The following MAF variants were observed in gnomAD, a reference collection of about 807,000 sequenced individuals.
MAF encodes MAF bZIP transcription factor.
In MAF, 10 loss-of-function variants were observed where a neutral mutation model predicts 22.0. That is an observed-to-expected ratio of 0.45 (90% CI 0.28 to 0.77). The LOEUF (loss-of-function observed/expected upper bound fraction) is 0.77, where lower values mean the gene tolerates loss of function less well. Ranked by LOEUF, MAF falls within the 30% of genes least tolerant of loss-of-function variation. MAF has a pLI of 0.12. For synonymous variants in MAF, 337 were observed against 255.8 expected (o/e 1.32, Z -3.03); for missense variants, 544 against 548.4 (o/e 0.99, Z 0.08).
the MAF span, among the ~76,000 whole-genome samples, chr16:79,239,176 G>C: frequency 6.6e-6 from 1 of 152,040 alleles, no homozygotes; most frequent in Non-Finnish European, 1.5e-5. Context: ...GTAACTCTCG[G>C]TTTTGTCAAA....
At chr16:79,525,211 T>G in the MAF span, among the ~76,000 whole-genome samples, 6 of 152,182 alleles carry the variant, frequency 3.9e-5, no homozygotes. Flanking sequence ...TTTCATGAAA[T>G]TTTAATCAGG....
the MAF span, among the ~76,000 whole-genome samples, chr16:79,278,824 C>T: frequency 1.9e-3 from 292 of 152,164 alleles, 1 homozygote; most frequent in African/African-American, 6.3e-3. Context: ...CAAGTGTCTG[C>T]CCCTTCTGCT....
chr16:79,507,380 T>A, the MAF span, among the ~76,000 whole-genome samples: 1 of 152,046 alleles, frequency 6.6e-6, no homozygotes, highest in Non-Finnish European at 1.5e-5. Context: ...CCTCCCAAAG[T>A]GCTGGGATTA....
chr16:79,289,051 A>G, the MAF span, among the ~76,000 whole-genome samples: 1 of 152,242 alleles, frequency 6.6e-6, no homozygotes, highest in East Asian at 1.9e-4. Flanking sequence ...TAAAGGAGAC[A>G]GAGAAGCAAA....
At chr16:79,346,145 A>G in the MAF span, among the ~76,000 whole-genome samples, 1 of 151,802 alleles carries the variant, frequency 6.6e-6, no homozygotes, top group Non-Finnish European at 1.5e-5. Context: ...ATCATTTAGC[A>G]TTAGGTGTAT....
the MAF span, among the ~76,000 whole-genome samples, chr16:79,359,204 G>C: frequency 6.6e-6 from 1 of 152,138 alleles, no homozygotes; most frequent in African/African-American, 2.4e-5. Flanking sequence ...TCAGAAGGCT[G>C]TTTTACGCCA....
chr16:79,405,551 G>A, the MAF span, among the ~76,000 whole-genome samples: 1 of 152,208 alleles, frequency 6.6e-6, no homozygotes, highest in Non-Finnish European at 1.5e-5. Context: ...AGGGAGGAAA[G>A]CATGGTTTTG....
the MAF span, among the ~76,000 whole-genome samples, chr16:79,448,350 T>G: frequency 6.6e-6 from 1 of 152,018 alleles, no homozygotes; most frequent in African/African-American, 2.4e-5. Context: ...AGATTGTGAC[T>G]TTCTGAAGGC....
At chr16:79,262,844 C>T in the MAF span, among the ~76,000 whole-genome samples, 23 of 152,122 alleles carry the variant, frequency 1.5e-4, no homozygotes, top group South Asian at 1.9e-3. Flanking sequence ...GGTGGGTGAA[C>T]GGTATTGAAG....
the MAF span, among the ~76,000 whole-genome samples, chr16:79,251,465 G>A: frequency 9.4e-3 from 1,424 of 152,026 alleles, 28 homozygotes; most frequent in African/African-American, 0.032. Context: ...ACAGGCACCT[G>A]CCACCACATC....
chr16:79,443,430 G>C, the MAF span, among the ~76,000 whole-genome samples: 1 of 152,194 alleles, frequency 6.6e-6, no homozygotes, highest in African/African-American at 2.4e-5. Context: ...TCTGGTTCTG[G>C]GGACAGTCTG....
At chr16:79,502,113 C>G in the MAF span, among the ~76,000 whole-genome samples, 2 of 152,138 alleles carry the variant, frequency 1.3e-5, no homozygotes, top group Non-Finnish European at 2.9e-5. Flanking sequence ...ATCTATTTCT[C>G]CCAGCCGAGT....
chr16:79,482,273 T>C, the MAF span, among the ~76,000 whole-genome samples: 1 of 152,178 alleles, frequency 6.6e-6, no homozygotes, highest in South Asian at 2.1e-4. Context: ...TCTTCTCTTT[T>C]TCCCATCTTT....
At chr16:79,482,914 TTCCC>T in the MAF span, among the ~76,000 whole-genome samples, 1 of 82,632 alleles carries the variant, frequency 1.2e-5, no homozygotes, top group Non-Finnish European at 2.4e-5. Flanking sequence ...ACCTCCTTCC[TTCCC>T]TCCCTCCCTC....
chr16:79,547,854 C>T, the MAF span, among the ~76,000 whole-genome samples: 2 of 151,324 alleles, frequency 1.3e-5, no homozygotes, highest in Admixed American at 1.3e-4. Context: ...CTTTCGTCTG[C>T]AAACTATCTC....
chr16:79,367,728 C>A, the MAF span, among the ~76,000 whole-genome samples: 2 of 152,198 alleles, frequency 1.3e-5, no homozygotes, highest in Non-Finnish European at 2.9e-5. Context: ...TTAAATTTCA[C>A]GTAAGTACCC....
chr16:79,339,011 T>C, the MAF span, among the ~76,000 whole-genome samples: 1 of 152,162 alleles, frequency 6.6e-6, no homozygotes, highest in Non-Finnish European at 1.5e-5. Flanking sequence ...GTGAATGTAA[T>C]GTTGTGTATT....
chr16:79,417,927 G>C, the MAF span, among the ~76,000 whole-genome samples: 3 of 152,124 alleles, frequency 2.0e-5, no homozygotes, highest in African/African-American at 7.2e-5. Flanking sequence ...ATAAATTGCA[G>C]GGGTCCTCTG....
the MAF span, among the ~76,000 whole-genome samples, chr16:79,407,041 G>A: frequency 6.6e-6 from 1 of 152,160 alleles, no homozygotes; most frequent in South Asian, 2.1e-4. Flanking sequence ...AACTTCTCCC[G>A]ATTTGCTCAG....
Sources: allele counts gnomAD v4.1 joint callset (sites outside exome capture counted in the v4.1 genomes callset), GRCh38; gene constraint gnomAD v4.1.1; transcripts MANE v1.5; gene names NCBI Gene and HGNC (gene_info 2026-07-23, HGNC 2026-07-21).